Variants in GALK2 observed in about 807,000 individuals in gnomAD.
GALK2 encodes the protein galactokinase 2, also known as N-acetylgalactosamine kinase.
Under a neutral mutation model 52.4 loss-of-function variants are expected in GALK2, and 36 were observed. That is an observed-to-expected ratio of 0.69 (90% CI 0.53 to 0.91). The LOEUF is 0.91. Ranked by LOEUF, GALK2 falls within the 40% of genes least tolerant of loss-of-function variation. The pLI is 0.00. For synonymous variants in GALK2, 176 were observed against 199.1 expected, an observed-to-expected ratio of 0.88 and a Z score of 0.98; for missense variants, 579 against 559.1, an observed-to-expected ratio of 1.04 and a Z score of -0.36.
chr15:49,175,391 G>T (rs1291224945), intron 1 of GALK2, among the ~76,000 whole-genome samples: 1 of 152,062 alleles, frequency 6.6e-6, no homozygotes, highest in Non-Finnish European at 1.5e-5. Flanking sequence ...GCAAGAGAGT[G>T]GTTTTACTTG....
At chr15:49,300,418 G>A (rs570731599) in intron 8 of GALK2, among the ~76,000 whole-genome samples, 58 of 152,078 alleles carry the variant, frequency 3.8e-4, no homozygotes, top group African/African-American at 1.4e-3. Flanking sequence ...TTTAAGTGGG[G>A]CATTTAACCT....
chr15:49,290,861 T>C (rs1023678158), intron 7 of GALK2, among the ~76,000 whole-genome samples: 2 of 152,344 alleles, frequency 1.3e-5, no homozygotes, highest in Admixed American at 6.5e-5. Context: ...GCATACCTCA[T>C]TGAGAACGTG....
chr15:49,189,988 A>G (rs772333803), intron 1 of GALK2, among the ~76,000 whole-genome samples: 2 of 152,186 alleles, frequency 1.3e-5, no homozygotes, highest in African/African-American at 2.4e-5. Flanking sequence ...GATGTATACT[A>G]TACTTACTTA....
Position 49,360,162 on chromosome 15 carries a change from C to A in GALK2, c.427-7329C>A, listed in dbSNP as rs975929700. ...CTGGATGACAAGTTAGTGGGTGCAG[C>A]GCACCAGCATGGCACATGTATACAT... is the stretch of plus-strand genomic sequence containing the variant. On this transcript the variant is annotated intron_variant, in intron 3 of 3. Coordinates refer to the GALK2 transcript ENST00000558399. Among the ~76,000 whole-genome samples the A allele has an allele frequency of 4.0e-5, 6 of 150,850 alleles. No individual in the cohort carries two copies. In the East Asian group the frequency reaches 1.2e-3, roughly 30 times the overall value.
exon 1 of GALK2, chr15:49,155,785 T>C: frequency 1.5e-6 from 1 of 676,932 alleles, no homozygotes; most frequent in South Asian, 1.8e-5. Context: ...AAGTGGTTGG[T>C]GCCTTAGCAA....
At chr15:49,266,990 C>T (rs895609098) in intron 5 of GALK2, among the ~76,000 whole-genome samples, 3 of 151,746 alleles carry the variant, frequency 2.0e-5, no homozygotes, top group Admixed American at 6.6e-5. Flanking sequence ...CTGGGAGGAA[C>T]GAGATGATGA....
upstream of GALK2, among the ~76,000 whole-genome samples, chr15:49,167,110 G>A (rs2084847630): frequency 6.6e-6 from 1 of 152,076 alleles, no homozygotes; most frequent in Non-Finnish European, 1.5e-5. Context: ...TCATTTTAGT[G>A]TTTGTTTTGT....
chr15:49,155,920 G>T, exon 1 of GALK2: 3 of 1,509,512 alleles, frequency 2.0e-6, no homozygotes, highest in South Asian at 2.3e-5. Context: ...CCTTGCTTGG[G>T]ACTCTGGACG....
upstream of GALK2, among the ~76,000 whole-genome samples, chr15:49,166,582 C>T (rs1478547505): frequency 1.3e-5 from 2 of 151,984 alleles, no homozygotes; most frequent in Non-Finnish European, 2.9e-5. Context: ...AAGTGGCAGG[C>T]ACCTGTAATC....
intron 3 of GALK2, among the ~76,000 whole-genome samples, chr15:49,346,051 AT>A (rs35105464): frequency 0.17 from 24,833 of 145,460 alleles, 2,262 homozygotes; most frequent in Non-Finnish European, 0.21. Flanking sequence ...TGCTTTTGTT[AT>A]TTTTTTTTTT....
chr15:49,318,218 C>G (rs2036579877), intron 8 of GALK2: 1 of 152,106 alleles, frequency 6.6e-6, no homozygotes, highest in Non-Finnish European at 1.5e-5. Flanking sequence ...TTGTTATTCA[C>G]AGGAATGTGT....
rs979611384 is a variant in GALK2 at position 49,175,854 on chromosome 15, C to G, written c.53+5479C>G. 4.6e-5 allele frequency among the ~76,000 whole-genome samples: 7 copies of G among 152,220 alleles called. No individual in the cohort carries two copies. In the East Asian group the frequency reaches 1.4e-3, roughly 29 times the overall value. ...GAAGATCCCTGTCCTGTTCTGTTCC[C>G]TTCTAATTACCAGTGTATGCATCCC... On this transcript the variant is annotated intron_variant, in intron 1 of 9. Coordinates refer to ENST00000560031, the MANE Select transcript of GALK2 (RefSeq NM_002044.4).
chr15:49,299,500 C>T (rs1333857975), intron 8 of GALK2, among the ~76,000 whole-genome samples: 2 of 151,948 alleles, frequency 1.3e-5, no homozygotes, highest in East Asian at 1.9e-4. Flanking sequence ...TGAGATCTTT[C>T]TAATGTTTTG....
At chr15:49,362,851 A>G (rs1251263743) in intron 3 of GALK2, among the ~76,000 whole-genome samples, 1 of 152,046 alleles carries the variant, frequency 6.6e-6, no homozygotes. Context: ...ATAGCTAGCC[A>G]GTTTCCCAGC....
At chr15:49,332,107 A>C (rs2151151345), downstream of GALK2, among the ~76,000 whole-genome samples, 1 of 148,692 alleles carries the variant, frequency 6.7e-6, no homozygotes, top group South Asian at 2.1e-4. Context: ...ACACACACAC[A>C]CACACACACA....
rs550492978 is a variant in GALK2 at position 49,312,431 on chromosome 15, G to A, written c.968-7173G>A. Among the ~76,000 whole-genome samples, 19 of 152,282 alleles carry A rather than the reference G, an allele frequency of 1.2e-4. 1 individual carries two copies. Among genetic ancestry groups the A allele is most frequent in the African/African-American group, 4.6e-4 (19 of 41,564 alleles). On this transcript the variant is annotated intron_variant, in intron 8 of 9. Transcript: ENST00000560031. ...TCTATGTTCTTCAGCCTTGGAATCTGGGACTTAAACCAGCAGCCTTCTGGG... is the reference window on the plus strand; with the variant it reads ...TCTATGTTCTTCAGCCTTGGAATCTAGGACTTAAACCAGCAGCCTTCTGGG...
intron 1 of GALK2, among the ~76,000 whole-genome samples, chr15:49,189,647 G>C (rs965641374): frequency 6.6e-6 from 1 of 152,006 alleles, no homozygotes; most frequent in African/African-American, 2.4e-5. Flanking sequence ...ATGGTTACTT[G>C]AACACAAGCA....
intron 5 of GALK2, among the ~76,000 whole-genome samples, chr15:49,266,594 G>T (rs565761373): frequency 6.6e-6 from 1 of 152,074 alleles, no homozygotes; most frequent in African/African-American, 2.4e-5. Context: ...CAGCTTCTAT[G>T]ATCATATGAG....
Position 49,276,904 on chromosome 15 carries a change from G to GGT in GALK2, c.505-5083_505-5082insGT, listed in dbSNP as rs1472846709. Among the ~76,000 whole-genome samples the GGT allele has an allele frequency of 9.0e-5, 7 of 77,906 alleles. No individual in the cohort carries two copies. In the South Asian group the frequency reaches 1.6e-3, roughly 18 times the overall value. 51.1% of individuals were successfully genotyped at this position (77,906 alleles called of 152,430 possible). Reference sequence around the variant, plus strand: ...AGCTTTTTTCTTAATAGAATCTGAGGTTTTTTTTTTTTTTTTTTGGTTTTT... The same window carrying GGT: ...AGCTTTTTTCTTAATAGAATCTGAGGGTTTTTTTTTTTTTTTTTTTGGTTTTT... On this transcript the variant is annotated intron_variant, in intron 5 of 9. Coordinates refer to ENST00000560031, the MANE Select transcript of GALK2 (RefSeq NM_002044.4).
Sources: allele counts gnomAD v4.1 joint callset (sites outside exome capture counted in the v4.1 genomes callset), GRCh38; gene constraint gnomAD v4.1.1; transcripts MANE v1.5; gene names NCBI Gene and HGNC (gene_info 2026-07-23, HGNC 2026-07-21).